ERBB4: variants seen among roughly 807,000 people sequenced by gnomAD.
ERBB4 encodes the protein receptor tyrosine-protein kinase erbB-4.
In ERBB4, 42 loss-of-function variants were observed where a neutral mutation model predicts 158.0. The ratio of observed to expected loss-of-function variants is 0.27; its 90% confidence interval spans 0.21 to 0.34. The LOEUF (loss-of-function observed/expected upper bound fraction) is 0.34. Ranked by LOEUF, ERBB4 falls within the 10% of genes least tolerant of loss-of-function variation. ERBB4 has a pLI of 1.00. For missense variants in ERBB4, 1,333 were observed against 1,624.1 expected (o/e 0.82, Z 3.08); for synonymous variants, 583 against 558.7 (o/e 1.04, Z -0.61).
At chr2:211,786,160 A>G (rs148748132) in intron 4 of ERBB4, among the ~76,000 whole-genome samples, 2 of 152,180 alleles carry the variant, frequency 1.3e-5, no homozygotes, top group South Asian at 2.1e-4. Context: ...TGACCCCCCA[A>G]ATTTTTAACT....
At chr2:211,421,839 T>A (rs995087322) in intron 24 of ERBB4, among the ~76,000 whole-genome samples, 168 bp downstream of exon 24, 2 of 152,004 alleles carry the variant, frequency 1.3e-5, no homozygotes, top group Admixed American at 1.3e-4. Context: ...AAGGTGGATC[T>A]GACGTGAAAT....
rs959918664 is a variant in ERBB4, at chr2:211,960,008, C to A, written c.235-12392G>T. On this transcript the variant is annotated intron_variant, in intron 2 of 27. Transcript: ENST00000342788. ...TGTGTACACAGGGGTGAAGTGGATA[C>A]ATTTGCCTGAGGAATATTGGAGAAG... Among the ~76,000 whole-genome samples the A allele has an allele frequency of 1.2e-4, 18 of 152,124 alleles. No homozygotes were observed. The East Asian group carries it at 3.5e-3, about 29-fold the overall frequency.
intron 2 of ERBB4, among the ~76,000 whole-genome samples, chr2:212,041,756 G>A (rs1399678855): frequency 6.6e-6 from 1 of 151,978 alleles, no homozygotes; most frequent in Non-Finnish European, 1.5e-5. Context: ...GAGTGTCAAA[G>A]GCATGTCCTT....
chr2:212,466,532 T>C (rs1688844538), intron 1 of ERBB4, among the ~76,000 whole-genome samples: 1 of 152,210 alleles, frequency 6.6e-6, no homozygotes, highest in Non-Finnish European at 1.5e-5. Flanking sequence ...AGAGTTTCTC[T>C]GCACTAGCTC....
chr2:212,272,270 A>G (rs982552944), intron 1 of ERBB4, among the ~76,000 whole-genome samples: 1 of 151,804 alleles, frequency 6.6e-6, no homozygotes, highest in Non-Finnish European at 1.5e-5. Context: ...TTAAAATAAA[A>G]TTTTAAAAAG....
chr2:211,426,266 C>G (rs937386731), intron 22 of ERBB4, among the ~76,000 whole-genome samples: 2 of 152,082 alleles, frequency 1.3e-5, no homozygotes, highest in Admixed American at 6.5e-5. Context: ...AAAGCTAAAA[C>G]AAAACATCCT....
chr2:211,622,687 C>T (rs2069649390), intron 18 of ERBB4, among the ~76,000 whole-genome samples: 4 of 151,602 alleles, frequency 2.6e-5, no homozygotes, highest in East Asian at 2.0e-4. Flanking sequence ...AAATGCCAGC[C>T]GGGCATGGTG....
intron 1 of ERBB4, among the ~76,000 whole-genome samples, chr2:212,246,887 T>A (rs961483785): frequency 2.0e-5 from 3 of 152,176 alleles, no homozygotes; most frequent in Admixed American, 1.3e-4. Context: ...ATCTAAGTTA[T>A]TTCCTGAATT....
chr2:212,302,592 A>G (rs1574636894), intron 1 of ERBB4, among the ~76,000 whole-genome samples: 1 of 151,494 alleles, frequency 6.6e-6, no homozygotes, highest in Admixed American at 6.6e-5. Flanking sequence ...TTTCTAAGCA[A>G]TCACCTTCTC....
chr2:211,919,725 C>T (rs1364400327), intron 3 of ERBB4, among the ~76,000 whole-genome samples: 1 of 151,912 alleles, frequency 6.6e-6, no homozygotes, highest in Non-Finnish European at 1.5e-5. Context: ...TGTTATGGCA[C>T]CTCAGAAGTT....
At chr2:211,581,055 AACCTAAGCT>A (rs2068089168) in intron 19 of ERBB4, among the ~76,000 whole-genome samples, 1 of 150,914 alleles carries the variant, frequency 6.6e-6, no homozygotes, top group Non-Finnish European at 1.5e-5. Flanking sequence ...TCATATGTGG[AACCTAAGCT>A]ATGGGGATGC....
At chr2:211,685,363 C>T (rs987555037) in intron 12 of ERBB4, among the ~76,000 whole-genome samples, 1 of 151,864 alleles carries the variant, frequency 6.6e-6, no homozygotes, top group African/African-American at 2.4e-5. Context: ...TTCATTTGCT[C>T]TGGCACTATT....
intron 2 of ERBB4, among the ~76,000 whole-genome samples, chr2:211,959,630 T>TTTTACAGAGAAGCAATCATTA (rs1465557915): frequency 2.6e-5 from 4 of 152,126 alleles, no homozygotes; most frequent in Non-Finnish European, 5.9e-5. Flanking sequence ...TCTATAGGAA[T>TTTTACAGAGAAGCAATCATTA]TTTACAGAGA....
intron 1 of ERBB4, among the ~76,000 whole-genome samples, chr2:212,364,914 AGTGTGTGTGTGTGT>A: frequency 6.8e-6 from 1 of 148,110 alleles, no homozygotes; most frequent in East Asian, 2.0e-4. Context: ...TGTGTGTGTG[AGTGTGTGTGTGTGT>A]GTGTGTGTGT....
intron 1 of ERBB4, among the ~76,000 whole-genome samples, chr2:212,198,812 G>A (rs2082507969): frequency 7.4e-6 from 1 of 134,284 alleles, no homozygotes; most frequent in Admixed American, 8.6e-5. Context: ...TCAAACTCCT[G>A]ACCTCACGTG....
At chr2:212,228,578 G>A (rs2083554999) in intron 1 of ERBB4, among the ~76,000 whole-genome samples, 1 of 152,062 alleles carries the variant, frequency 6.6e-6, no homozygotes, top group Non-Finnish European at 1.5e-5. Context: ...TTATAATATT[G>A]GAGGGAGGCA....
intron 1 of ERBB4, among the ~76,000 whole-genome samples, chr2:212,278,011 C>A (rs939519398): frequency 6.6e-6 from 1 of 151,500 alleles, no homozygotes; most frequent in Non-Finnish European, 1.5e-5. Context: ...ATTAGTATCA[C>A]AATAATTCAT....
chr2:211,896,987 T>C (rs1169929292), intron 3 of ERBB4, among the ~76,000 whole-genome samples: 2 of 151,522 alleles, frequency 1.3e-5, no homozygotes, highest in Non-Finnish European at 2.9e-5. Context: ...GAATATTAAA[T>C]TAAAAATAAT....
chr2:211,619,110 C>T, intron 19 of ERBB4, 67 bp downstream of exon 19: 1 of 956,910 alleles, frequency 1.0e-6, no homozygotes, highest in South Asian at 1.3e-5. Context: ...TTTTGTTTTG[C>T]TTTAATTATC....
Sources: gnomAD v4.1 joint callset for allele counts (sites outside exome capture counted in the v4.1 genomes callset) on GRCh38, gnomAD v4.1.1 for gene constraint, MANE v1.5 for transcripts, NCBI Gene and HGNC (gene_info 2026-07-23, HGNC 2026-07-21) for gene names.